SVIL: variants seen among roughly 807,000 people sequenced by gnomAD.
SVIL encodes supervillin.
In SVIL, 101 loss-of-function variants were observed where a neutral mutation model predicts 240.4. That is an observed-to-expected ratio of 0.42 (90% CI 0.36 to 0.50). The LOEUF is 0.50. SVIL is among the 20% of genes least tolerant of loss of function. The pLI is 0.01. For synonymous variants in SVIL, 999 were observed against 1,100.0 expected (o/e 0.91, Z 1.82); for missense variants, 2,512 against 2,818.7 (o/e 0.89, Z 2.46).
At chr10:29,558,927 C>A (rs1002315404) in intron 3 of SVIL, among the ~76,000 whole-genome samples, 3 of 118,476 alleles carry the variant, frequency 2.5e-5, no homozygotes, top group East Asian at 4.6e-4. Context: ...GATTCTGCCT[C>A]GAAATATATA....
intron 1 of SVIL, among the ~76,000 whole-genome samples, chr10:29,601,041 T>C (rs1956792672): frequency 6.6e-6 from 1 of 152,230 alleles, no homozygotes; most frequent in South Asian, 2.1e-4. Context: ...CTGTCATTAA[T>C]ATACATAACT....
At chr10:29,553,389 G>T (rs7080319) in intron 5 of SVIL, among the ~76,000 whole-genome samples, 5,404 of 152,026 alleles carry the variant, frequency 0.036, 281 homozygotes, top group African/African-American at 0.12. Context: ...GACCAGCCTC[G>T]CCAACATGGT....
intron 36 of SVIL, 61 bp from the exon 37 acceptor site, chr10:29,458,650 A>C: frequency 6.4e-7 from 1 of 1,570,222 alleles, no homozygotes; most frequent in Non-Finnish European, 8.6e-7. Flanking sequence ...TTGTTTTATT[A>C]AGTGCTTACA....
rs924236575 is a variant in SVIL at position 29,473,981 on chromosome 10, G to C, written c.5386C>G (p.Arg1796Gly). The C allele has an allele frequency of 1.2e-6, 2 of 1,613,256 alleles. No homozygotes were observed. Among genetic ancestry groups the C allele is most frequent in the Non-Finnish European group, 1.7e-6 (2 of 1,179,892 alleles). ...KFMVSTAVGS[R>G]QKGEHSVRAA... ...CTCACCGAGTGCTCTCCCTTCTGGC[G>C]ACTTCCCACTGCAAACACAGAATGG... Residue 1796 changes from arginine (R) to glycine (G), a missense_variant, in exon 30 of 38, where the codon CGC becomes GGC. Around this residue, in one of 3 missense-constraint regions of SVIL, gnomAD observed 797 missense variants for 925.3 expected, o/e 0.86. Coordinates refer to ENST00000355867, the MANE Select transcript of SVIL (RefSeq NM_021738.3).
intron 1 of SVIL, among the ~76,000 whole-genome samples, chr10:29,623,025 T>C (rs1405485781): frequency 6.6e-6 from 1 of 152,208 alleles, no homozygotes; most frequent in Non-Finnish European, 1.5e-5. Flanking sequence ...CGAGTGTGTG[T>C]GTGTGCATGC....
chr10:29,686,339 C>T (rs927405191), intron 2 of SVIL, among the ~76,000 whole-genome samples: 1 of 152,128 alleles, frequency 6.6e-6, no homozygotes, highest in African/African-American at 2.4e-5. Flanking sequence ...GATGGTAACA[C>T]CTTAATCCTC....
chr10:29,729,450 GGTGTGTGTGTGTGTGTGTGTGTGT>G (rs55940009), intron 1 of SVIL, among the ~76,000 whole-genome samples: 6 of 136,680 alleles, frequency 4.4e-5, no homozygotes, highest in African/African-American at 1.1e-4. Flanking sequence ...TGTTTATGGA[GGTGTGTGTGTGTGTGTGTGTGTGT>G]GTGTGTGTGT....
chr10:29,607,417 T>C (rs1564695773), intron 1 of SVIL, among the ~76,000 whole-genome samples: 1 of 152,204 alleles, frequency 6.6e-6, no homozygotes, highest in East Asian at 1.9e-4. Flanking sequence ...ATTTTATAAA[T>C]TGAGAATGTG....
chr10:29,560,272 T>C (rs1349356959), intron 3 of SVIL, among the ~76,000 whole-genome samples: 11 of 152,210 alleles, frequency 7.2e-5, no homozygotes, highest in Admixed American at 7.2e-4. Context: ...TGTAGGTTTC[T>C]TTTTGCAGTC....
At chr10:29,495,560 T>C (rs12775988) in intron 18 of SVIL, among the ~76,000 whole-genome samples, 41,930 of 152,038 alleles carry the variant, frequency 0.28, 6,294 homozygotes, top group Admixed American at 0.38. Flanking sequence ...TGTGTCACAC[T>C]TGCCAGCAAG....
At chr10:29,473,294 G>A (rs559709010) in intron 30 of SVIL, among the ~76,000 whole-genome samples, 2 of 152,330 alleles carry the variant, frequency 1.3e-5, no homozygotes, top group African/African-American at 2.4e-5. Flanking sequence ...GGTGATGGGC[G>A]TTCCCAATCC....
chr10:29,709,202 C>T (rs940460311), intron 1 of SVIL, among the ~76,000 whole-genome samples: 6 of 152,112 alleles, frequency 3.9e-5, no homozygotes, highest in African/African-American at 1.4e-4. Flanking sequence ...AGATTTCAGA[C>T]GTTTTTGGAT....
intron 2 of SVIL, among the ~76,000 whole-genome samples, chr10:29,672,891 T>G (rs1959894335): frequency 1.3e-5 from 2 of 152,220 alleles, no homozygotes; most frequent in South Asian, 4.1e-4. Context: ...CAGCAGGATC[T>G]TAGCAAAGTT....
In SVIL at chr10:29,533,046, C is replaced by T; in HGVS notation, c.1321G>A (p.Glu441Lys). ...AGAGCTTCAGTGAAGCACACATCTTCTTCTTTTTCTTCTCCTTCTCCTTCC... is the reference window on the plus strand; with the variant it reads ...AGAGCTTCAGTGAAGCACACATCTTTTTCTTTTTCTTCTCCTTCTCCTTCC... ...EGEGEGEEKEEDVCFTEALEQ... is the reference protein window; with the variant it reads ...EGEGEGEEKEKDVCFTEALEQ... The change falls in exon 8 of 38, where the codon GAA (glutamate) becomes AAA (lysine). Residue 441 changes from glutamate (E) to lysine (K), a missense_variant. Coordinates refer to ENST00000355867, the MANE Select transcript of SVIL (RefSeq NM_021738.3). 1.9e-6 allele frequency: 3 copies of T among 1,614,084 alleles called. No homozygotes were observed. Among genetic ancestry groups the T allele is most frequent in the Non-Finnish European group, 2.5e-6 (3 of 1,179,990 alleles).
intron 1 of SVIL, among the ~76,000 whole-genome samples, chr10:29,708,009 G>A (rs1963012516): frequency 1.3e-5 from 2 of 152,084 alleles, no homozygotes; most frequent in South Asian, 2.1e-4. Context: ...TGTAATCCCA[G>A]CACTTTGGGA....
rs3886282 is a variant in SVIL, at chr10:29,669,187, C to A, written c.-300-11119G>T. The stretch of plus-strand genomic sequence containing the variant: ...GTGGTCTGTGTCTCTGAGGAGCTAC[C>A]ATTTGAGCAGAGCCCCAGAAGAATT... On this transcript the variant is annotated intron_variant, in intron 2 of 35. Transcript: ENST00000375400. Among the ~76,000 whole-genome samples the A allele has an allele frequency of 6.1e-4, 93 of 152,246 alleles. No individual in the cohort carries two copies. In the South Asian group the frequency reaches 0.011, roughly 18 times the overall value.
chr10:29,606,343 C>G (rs1957021911), intron 1 of SVIL, among the ~76,000 whole-genome samples: 1 of 152,134 alleles, frequency 6.6e-6, no homozygotes, highest in South Asian at 2.1e-4. Context: ...CTGCAACCAG[C>G]CAATATTTTT....
intron 1 of SVIL, among the ~76,000 whole-genome samples, chr10:29,727,751 A>G (rs967223105): frequency 5.9e-5 from 9 of 151,992 alleles, no homozygotes; most frequent in Non-Finnish European, 1.0e-4. Flanking sequence ...AAAAAAAAAA[A>G]AAAAAGAAAA....
intron 18 of SVIL, among the ~76,000 whole-genome samples, chr10:29,496,722 C>G (rs1345196070): frequency 6.6e-6 from 1 of 152,212 alleles, no homozygotes; most frequent in East Asian, 1.9e-4. Context: ...ATTCTAGGTA[C>G]AACAACCAGT....
Sources: allele counts gnomAD v4.1 joint callset (sites outside exome capture counted in the v4.1 genomes callset), GRCh38; gene constraint gnomAD v4.1.1; regional missense constraint gnomAD v4.1.1; transcripts MANE v1.5; gene names NCBI Gene and HGNC (gene_info 2026-07-23, HGNC 2026-07-21).